Variants in TMC1 observed in about 807,000 individuals in gnomAD.
The protein encoded by TMC1 is transmembrane channel-like protein 1.
TMC1 carries 84 observed loss-of-function variants against 105.8 expected under a neutral mutation model. The observed-to-expected ratio is 0.79, with a 90% CI of 0.67 to 0.95. TMC1 has a LOEUF of 0.95. TMC1 is among the 40% of genes least tolerant of loss of function. TMC1 has a pLI of 0.00. For missense variants in TMC1, 817 were observed against 914.1 expected, an observed-to-expected ratio of 0.89 and a Z score of 1.37; for synonymous variants, 315 against 311.5, an observed-to-expected ratio of 1.01 and a Z score of -0.12.
intron 13 of TMC1, among the ~76,000 whole-genome samples, chr9:72,784,687 C>T (rs1232183611): frequency 1.3e-5 from 2 of 152,176 alleles, no homozygotes; most frequent in African/African-American, 4.8e-5. Flanking sequence ...ATGGCATCAA[C>T]CTAGATGTCC....
chr9:72,551,306 G>A (rs1823856919), intron 1 of TMC1, among the ~76,000 whole-genome samples: 1 of 152,134 alleles, frequency 6.6e-6, no homozygotes, highest in African/African-American at 2.4e-5. Flanking sequence ...TATATAGTGG[G>A]CCCTGGGATC....
intron 15 of TMC1, among the ~76,000 whole-genome samples, chr9:72,790,479 T>C (rs1828248736): frequency 6.6e-6 from 1 of 152,188 alleles, no homozygotes; most frequent in African/African-American, 2.4e-5. Flanking sequence ...TCAAAGCATT[T>C]ACTAAGTTTG....
chr9:72,787,663 A>G lies in TMC1; in HGVS notation c.885-676A>G, dbSNP rs543693716. On this transcript the variant is annotated intron_variant, in intron 13 of 23. Coordinates refer to ENST00000297784, the MANE Select transcript of TMC1 (RefSeq NM_138691.3). Reference sequence around the variant, plus strand: ...AATACATATATATATATATATACACACATATATATACACACACACACATAT... The same window carrying G: ...AATACATATATATATATATATACACGCATATATATACACACACACACATAT... 9.9e-4 allele frequency among the ~76,000 whole-genome samples: 151 copies of G among 151,818 alleles called. 1 individual carries two copies. Among genetic ancestry groups the G allele is most frequent in the African/African-American group, 3.6e-3 (148 of 41,430 alleles).
At chr9:72,755,106 A>AAGAAAG (rs1467402696) in intron 12 of TMC1, among the ~76,000 whole-genome samples, 37 of 148,394 alleles carry the variant, frequency 2.5e-4, no homozygotes, top group African/African-American at 9.0e-4. Flanking sequence ...GAAAGAAAGA[A>AAGAAAG]AGAAAGAGAA....
At chr9:72,567,381 G>A (rs991971028) in intron 1 of TMC1, among the ~76,000 whole-genome samples, 2 of 152,126 alleles carry the variant, frequency 1.3e-5, no homozygotes, top group Non-Finnish European at 2.9e-5. Flanking sequence ...TCTGTGAAGG[G>A]AATAAATGGA....
chr9:72,765,621 G>C (rs1827817570), intron 12 of TMC1, among the ~76,000 whole-genome samples: 1 of 148,404 alleles, frequency 6.7e-6, no homozygotes, highest in Non-Finnish European at 1.5e-5. Context: ...AGGGCAGCAA[G>C]AGGTGAGCCT....
intron 1 of TMC1, among the ~76,000 whole-genome samples, chr9:72,565,457 CTA>C (rs1198544776): frequency 1.3e-5 from 2 of 152,120 alleles, no homozygotes; most frequent in African/African-American, 4.8e-5. Context: ...AACACTGACT[CTA>C]TGTGTAAGAA....
chr9:72,772,773 G>T (rs558966401), intron 13 of TMC1, among the ~76,000 whole-genome samples: 19 of 152,252 alleles, frequency 1.2e-4, no homozygotes, highest in African/African-American at 4.6e-4. Context: ...ATCTCATGGG[G>T]TCAGACCAAT....
intron 3 of TMC1, among the ~76,000 whole-genome samples, chr9:72,621,772 T>C (rs1005265098): frequency 6.6e-6 from 1 of 152,120 alleles, no homozygotes; most frequent in African/African-American, 2.4e-5. Context: ...CATACTCTCC[T>C]CGGGTGAACA....
chr9:72,759,942 A>T (rs1370555856), intron 12 of TMC1, among the ~76,000 whole-genome samples: 1 of 152,082 alleles, frequency 6.6e-6, no homozygotes, highest in African/African-American at 2.4e-5. Context: ...CTGTTTCATG[A>T]TATATCTATT....
chr9:72,581,302 C>G (rs1270661504), intron 2 of TMC1, among the ~76,000 whole-genome samples: 1 of 152,136 alleles, frequency 6.6e-6, no homozygotes, highest in African/African-American at 2.4e-5. Flanking sequence ...TGTTTACCTT[C>G]CCAGGTTGTT....
intron 18 of TMC1, among the ~76,000 whole-genome samples, chr9:72,806,715 G>C (rs1270042991): frequency 6.6e-6 from 1 of 151,614 alleles, no homozygotes; most frequent in Non-Finnish European, 1.5e-5. Context: ...TGGTGGCCGG[G>C]AAGAGGTGCT....
intron 2 of TMC1, among the ~76,000 whole-genome samples, chr9:72,580,350 A>G (rs1052682325): frequency 1.3e-5 from 2 of 152,072 alleles, no homozygotes; most frequent in East Asian, 3.8e-4. Context: ...GTGCAGCCTT[A>G]CTCATATCTT....
At position 72,662,769 on chromosome 9, in the gene TMC1, TC is replaced by T. The variant is rs562361071; in HGVS notation, c.16+14106del. On this transcript the variant is annotated intron_variant, in intron 5 of 23. Transcript: ENST00000297784. ...TATCTTAGCCATAAAACACTTGTAA[TC>T]AGCACTCCTCCAGAAATTTCAGGAT... Among the ~76,000 whole-genome samples, 94 of 152,302 alleles carry T rather than the reference TC, an allele frequency of 6.2e-4. 2 individuals carry two copies. Among genetic ancestry groups the T allele is most frequent in the African/African-American group, 1.9e-3 (77 of 41,566 alleles).
intron 21 of TMC1, 95 bp from the exon 22 acceptor site, chr9:72,830,356 T>A (rs1157314326): frequency 1.2e-6 from 1 of 863,852 alleles, no homozygotes. Flanking sequence ...TTCATTCCCA[T>A]GCTGATATTT....
chr9:72,544,478 C>CTTT (rs71493656), intron 1 of TMC1, among the ~76,000 whole-genome samples: 12,078 of 125,084 alleles, frequency 0.097, 1,059 homozygotes, highest in African/African-American at 0.19. Flanking sequence ...GATTTTTTAA[C>CTTT]TTTTTTTTTT....
chr9:72,806,919 G>C (rs1828605732), intron 18 of TMC1, among the ~76,000 whole-genome samples: 1 of 152,212 alleles, frequency 6.6e-6, no homozygotes, highest in African/African-American at 2.4e-5. Context: ...AGGCGGCTGG[G>C]AGGTGGAGGT....
chr9:72,789,045 A>G (rs1828218359), intron 14 of TMC1, 78 bp from the exon 15 acceptor site: 3 of 1,377,980 alleles, frequency 2.2e-6, no homozygotes, highest in Non-Finnish European at 2.1e-6. Flanking sequence ...ATAACTTTTG[A>G]GGTTTTGATA....
intron 5 of TMC1, among the ~76,000 whole-genome samples, chr9:72,653,764 C>T (rs554774498): frequency 6.6e-6 from 1 of 152,236 alleles, no homozygotes; most frequent in South Asian, 2.1e-4. Context: ...CCACACATTC[C>T]TTCCTTCTCT....
Sources: gnomAD v4.1 joint callset for allele counts (sites outside exome capture counted in the v4.1 genomes callset) on GRCh38, gnomAD v4.1.1 for gene constraint, MANE v1.5 for transcripts, NCBI Gene and HGNC (gene_info 2026-07-23, HGNC 2026-07-21) for gene names.